MAF: variants seen among roughly 807,000 people sequenced by gnomAD.
MAF encodes the protein MAF bZIP transcription factor.
Under a neutral mutation model 22.0 loss-of-function variants are expected in MAF, and 10 were observed. The observed-to-expected ratio is 0.45, with a 90% confidence interval of 0.28 to 0.77. The LOEUF is 0.77. Among genes scored for constraint, MAF ranks in the 30% least tolerant of loss-of-function variants. The pLI is 0.12. For synonymous variants in MAF, 337 were observed against 255.8 expected (o/e 1.32, Z -3.03); for missense variants, 544 against 548.4 (o/e 0.99, Z 0.08).
chr16:79,363,868 A>C, the MAF span, among the ~76,000 whole-genome samples: 77 of 152,318 alleles, frequency 5.1e-4, no homozygotes, highest in East Asian at 5.8e-4. Context: ...GGTGTGATCT[A>C]TGTTGGATGG....
the MAF span, among the ~76,000 whole-genome samples, chr16:79,256,863 CAA>C: frequency 4.6e-5 from 7 of 151,266 alleles, no homozygotes; most frequent in Admixed American, 6.6e-5. Flanking sequence ...TACACGCACA[CAA>C]ACACACACAC....
chr16:79,351,804 C>T, the MAF span, among the ~76,000 whole-genome samples: 1 of 152,154 alleles, frequency 6.6e-6, no homozygotes, highest in African/African-American at 2.4e-5. Context: ...AGCCTGAACA[C>T]ACAATTGTTG....
chr16:79,279,076 C>G, the MAF span, among the ~76,000 whole-genome samples: 4 of 152,194 alleles, frequency 2.6e-5, no homozygotes, highest in African/African-American at 9.7e-5. Context: ...TCAATTCTCA[C>G]CTCCAGCTGC....
chr16:79,375,331 C>T, the MAF span, among the ~76,000 whole-genome samples: 1 of 152,164 alleles, frequency 6.6e-6, no homozygotes. Flanking sequence ...CTCCTCTCCT[C>T]CTAAAGTTCC....
the MAF span, among the ~76,000 whole-genome samples, chr16:79,508,928 A>G: frequency 6.6e-6 from 1 of 152,142 alleles, no homozygotes; most frequent in Non-Finnish European, 1.5e-5. Flanking sequence ...AATGTTTTGG[A>G]ACTGTATAGA....
the MAF span, among the ~76,000 whole-genome samples, chr16:79,504,559 T>G: frequency 6.6e-6 from 1 of 152,098 alleles, no homozygotes. Flanking sequence ...TAATTCTTAC[T>G]TGAATGGATG....
the MAF span, among the ~76,000 whole-genome samples, chr16:79,230,405 C>T: frequency 1.8e-4 from 27 of 152,282 alleles, no homozygotes; most frequent in African/African-American, 6.3e-4. Context: ...CTTGAAGGCA[C>T]TGGACCAGAC....
the MAF span, among the ~76,000 whole-genome samples, chr16:79,530,168 T>C: frequency 6.6e-6 from 1 of 152,192 alleles, no homozygotes; most frequent in Non-Finnish European, 1.5e-5. Flanking sequence ...CCCATAACAA[T>C]TTATTTTAAG....
the MAF span, among the ~76,000 whole-genome samples, chr16:79,435,513 C>A: frequency 1.3e-5 from 2 of 152,218 alleles, no homozygotes. Flanking sequence ...TACATTCAGT[C>A]ATTCATGCCT....
At chr16:79,316,644 C>G in the MAF span, among the ~76,000 whole-genome samples, 1 of 152,144 alleles carries the variant, frequency 6.6e-6, no homozygotes, top group Admixed American at 6.5e-5. Context: ...TCCAGCATGC[C>G]AAGATATGCC....
At chr16:79,595,421 C>A (rs775178709) in intron 1 of MAF, 1 of 1,054,308 alleles carries the variant, frequency 9.5e-7, no homozygotes, top group Non-Finnish European at 1.1e-6. Flanking sequence ...ATCTTTTTTT[C>A]TTTTAAGAAC....
At chr16:79,571,025 A>G in the MAF span, among the ~76,000 whole-genome samples, 1 of 151,980 alleles carries the variant, frequency 6.6e-6, no homozygotes, top group East Asian at 1.9e-4. Context: ...AGGGAAAGTG[A>G]CTTTCCCAAA....
At chr16:79,225,859 C>A in the MAF span, among the ~76,000 whole-genome samples, 1 of 152,090 alleles carries the variant, frequency 6.6e-6, no homozygotes, top group African/African-American at 2.4e-5. Context: ...GAATGGTGAT[C>A]ATTAAAAAGT....
chr16:79,528,221 T>G, the MAF span, among the ~76,000 whole-genome samples: 1 of 152,312 alleles, frequency 6.6e-6, no homozygotes, highest in African/African-American at 2.4e-5. Flanking sequence ...TTCTGCCCTC[T>G]TTAGTTTCTT....
chr16:79,264,436 C>A, the MAF span: 1 of 152,194 alleles, frequency 6.6e-6, no homozygotes, highest in East Asian at 1.9e-4. Flanking sequence ...CAAAGCCTTG[C>A]CCTGAGAACA....
chr16:79,549,226 G>C, the MAF span, among the ~76,000 whole-genome samples: 30 of 149,932 alleles, frequency 2.0e-4, no homozygotes, highest in African/African-American at 7.1e-4. Context: ...AGCAGTCATG[G>C]CGTGCCCAAC....
At chr16:79,475,805 G>C in the MAF span, among the ~76,000 whole-genome samples, 1 of 152,158 alleles carries the variant, frequency 6.6e-6, no homozygotes, top group Non-Finnish European at 1.5e-5. Flanking sequence ...TGTGTGATGA[G>C]TTCATGAGGG....
At chr16:79,462,030 T>G in the MAF span, among the ~76,000 whole-genome samples, 1 of 152,206 alleles carries the variant, frequency 6.6e-6, no homozygotes, top group African/African-American at 2.4e-5. Context: ...GAGTCTCTAC[T>G]TTCTCCACAA....
the MAF span, among the ~76,000 whole-genome samples, chr16:79,510,175 G>A: frequency 1.3e-5 from 2 of 152,176 alleles, no homozygotes; most frequent in African/African-American, 4.8e-5. Context: ...TATGGATTGT[G>A]AGTTAAAGGC....
Sources: allele counts gnomAD v4.1 joint callset (sites outside exome capture counted in the v4.1 genomes callset), GRCh38; gene constraint gnomAD v4.1.1; transcripts MANE v1.5; gene names NCBI Gene and HGNC (gene_info 2026-07-23, HGNC 2026-07-21).